Variants in CNTNAP2 observed in about 807,000 individuals in gnomAD.
CNTNAP2 encodes the protein contactin-associated protein-like 2.
CNTNAP2 carries 98 observed loss-of-function variants against 155.2 expected under a neutral mutation model. The ratio of observed to expected loss-of-function variants is 0.63; its 90% CI spans 0.54 to 0.75. The LOEUF is 0.75. CNTNAP2 is among the 30% of genes least tolerant of loss of function. CNTNAP2 has a pLI of 0.00. For missense variants in CNTNAP2, 1,727 were observed against 1,688.1 expected (o/e 1.02, Z -0.40); for synonymous variants, 651 against 631.2 (o/e 1.03, Z -0.47).
chr7:147,884,296 C>T (rs1379041108), intron 13 of CNTNAP2, among the ~76,000 whole-genome samples: 6 of 152,176 alleles, frequency 3.9e-5, no homozygotes, highest in Admixed American at 2.6e-4. Context: ...TGGGGCGATG[C>T]ATCCAGGCAG....
Position 147,141,952 on chromosome 7 carries a change from A to G in CNTNAP2, c.1348+9443A>G, listed in dbSNP as rs185216692. 1.1e-3 allele frequency among the ~76,000 whole-genome samples: 170 copies of G among 152,326 alleles called. 1 individual carries two copies. The highest frequency in any genetic ancestry group is 4.0e-3 in the African/African-American group (167 of 41,570). On this transcript the variant is annotated intron_variant, in intron 8 of 23. Transcript: ENST00000361727. ...TCCTGAGACTTTGCTGAAGTTGCCTATCAGCTTAAGGAGATTTTGGGCTGA... is the reference window on the plus strand; with the variant it reads ...TCCTGAGACTTTGCTGAAGTTGCCTGTCAGCTTAAGGAGATTTTGGGCTGA...
At chr7:146,500,638 C>G (rs940314896) in intron 1 of CNTNAP2, among the ~76,000 whole-genome samples, 1 of 152,114 alleles carries the variant, frequency 6.6e-6, no homozygotes, top group African/African-American at 2.4e-5. Context: ...TATCCAAAGA[C>G]GTGTCTGTGA....
In CNTNAP2 at chr7:146,205,828, G is replaced by C. The variant is rs1279208538; in HGVS notation, c.97+88855G>C. Among the ~76,000 whole-genome samples, 2 of 151,718 alleles carry C rather than the reference G, an allele frequency of 1.3e-5. 1 individual carries two copies. The highest frequency in any genetic ancestry group is 3.0e-5 in the Non-Finnish European group (2 of 67,774). On this transcript the variant is annotated intron_variant, in intron 1 of 23. Coordinates refer to ENST00000361727, the MANE Select transcript of CNTNAP2 (RefSeq NM_014141.6). ...AATATGTTTTAGGAATATGTTTTTT[G>C]TTCCTTAAGATTAAGTTTTGTATAC...
At chr7:146,560,466 ATG>A (rs956565393) in intron 1 of CNTNAP2, among the ~76,000 whole-genome samples, 2 of 151,436 alleles carry the variant, frequency 1.3e-5, no homozygotes, top group Admixed American at 1.3e-4. Flanking sequence ...ATATGTGTGT[ATG>A]TGTGTGTGTA....
intron 21 of CNTNAP2, among the ~76,000 whole-genome samples, chr7:148,280,772 A>T (rs1796962312): frequency 6.6e-6 from 1 of 152,090 alleles, no homozygotes; most frequent in African/African-American, 2.4e-5. Context: ...TACAAAAATT[A>T]GCCAGGCAAG....
intron 7 of CNTNAP2, among the ~76,000 whole-genome samples, chr7:147,130,904 G>A (rs866675334): frequency 2.0e-5 from 3 of 151,880 alleles, no homozygotes; most frequent in South Asian, 2.1e-4. Context: ...CAGTAAAAGC[G>A]AGCATTTAAA....
intron 1 of CNTNAP2, among the ~76,000 whole-genome samples, chr7:146,335,561 G>A (rs1484837499): frequency 6.6e-6 from 1 of 152,124 alleles, no homozygotes; most frequent in African/African-American, 2.4e-5. Context: ...AGAGCTACTG[G>A]AGAATCTCTT....
At chr7:147,949,460 T>TATATATATA (rs60849459) in intron 14 of CNTNAP2, among the ~76,000 whole-genome samples, 8 of 92,122 alleles carry the variant, frequency 8.7e-5, no homozygotes, top group South Asian at 4.2e-4. Context: ...ATATATATAT[T>TATATATATA]TTTTTTTTTT....
At chr7:147,923,923 G>C (rs922786713) in intron 14 of CNTNAP2, among the ~76,000 whole-genome samples, 12 of 152,112 alleles carry the variant, frequency 7.9e-5, no homozygotes, top group African/African-American at 2.9e-4. Flanking sequence ...CTCTGTTGTT[G>C]GAAGCCACCC....
chr7:146,298,364 A>T (rs954413459), intron 1 of CNTNAP2, among the ~76,000 whole-genome samples: 2 of 152,216 alleles, frequency 1.3e-5, no homozygotes, highest in African/African-American at 4.8e-5. Context: ...AATGTACAGC[A>T]GCTTAGCTCA....
chr7:147,106,435 T>G (rs557345126), intron 4 of CNTNAP2, among the ~76,000 whole-genome samples: 40 of 152,242 alleles, frequency 2.6e-4, no homozygotes, highest in African/African-American at 8.9e-4. Context: ...GAAGCCAAAA[T>G]TAAACGATTG....
intron 1 of CNTNAP2, among the ~76,000 whole-genome samples, chr7:146,767,862 G>A (rs1182790842): frequency 1.3e-5 from 2 of 152,044 alleles, no homozygotes; most frequent in Non-Finnish European, 2.9e-5. Context: ...GGTAAGACAG[G>A]ATTAAACAAG....
At chr7:146,620,652 T>C (rs898682797) in intron 1 of CNTNAP2, among the ~76,000 whole-genome samples, 1 of 152,172 alleles carries the variant, frequency 6.6e-6, no homozygotes, top group African/African-American at 2.4e-5. Context: ...CCCACATGTA[T>C]TATGCAACAT....
intron 3 of CNTNAP2, among the ~76,000 whole-genome samples, chr7:146,887,545 A>G (rs1238567370): frequency 6.6e-6 from 1 of 152,032 alleles, no homozygotes; most frequent in African/African-American, 2.4e-5. Context: ...GTATGAGTAA[A>G]GCCATTGAAT....
intron 3 of CNTNAP2, among the ~76,000 whole-genome samples, chr7:146,849,730 G>T (rs1794836710): frequency 6.6e-6 from 1 of 152,048 alleles, no homozygotes; most frequent in South Asian, 2.1e-4. Flanking sequence ...TCGTCCTCTT[G>T]TTTCACTTTC....
intron 1 of CNTNAP2, among the ~76,000 whole-genome samples, chr7:146,382,145 G>T (rs1410763739): frequency 2.0e-5 from 3 of 152,168 alleles, no homozygotes; most frequent in Non-Finnish European, 4.4e-5. Context: ...ACAAAGTAAT[G>T]CATGAAATAA....
intron 1 of CNTNAP2, among the ~76,000 whole-genome samples, chr7:146,661,487 G>T (rs1396724066): frequency 6.6e-6 from 1 of 151,982 alleles, no homozygotes; most frequent in African/African-American, 2.4e-5. Flanking sequence ...TGTCTCTGTA[G>T]TTGGACCTTT....
At chr7:146,475,008 C>T (rs534102236) in intron 1 of CNTNAP2, among the ~76,000 whole-genome samples, 85 of 129,164 alleles carry the variant, frequency 6.6e-4, no homozygotes, top group Admixed American at 2.1e-3. Flanking sequence ...CACGCGCGCG[C>T]GCGCGCACAC....
chr7:146,888,850 A>G (rs1795721231), intron 3 of CNTNAP2, among the ~76,000 whole-genome samples: 1 of 152,072 alleles, frequency 6.6e-6, no homozygotes, highest in Admixed American at 6.6e-5. Flanking sequence ...GGAAGGGGAA[A>G]TGGGGATATG....
Sources: gnomAD v4.1 joint callset for allele counts (sites outside exome capture counted in the v4.1 genomes callset) on GRCh38, gnomAD v4.1.1 for gene constraint, MANE v1.5 for transcripts, NCBI Gene and HGNC (gene_info 2026-07-23, HGNC 2026-07-21) for gene names.